The following CUBN variants were observed in gnomAD, a reference collection of about 807,000 sequenced individuals.
CUBN encodes the protein cubilin.
A neutral mutation model predicts 405.3 loss-of-function variants in CUBN; 282 were observed. The ratio of observed to expected loss-of-function variants is 0.70; its 90% CI spans 0.63 to 0.77. The LOEUF (loss-of-function observed/expected upper bound fraction) is 0.77. CUBN is among the 30% of genes least tolerant of loss of function. The probability of loss-of-function intolerance (pLI) is 0.00; values close to 1 mark genes in which losing one functional copy is unlikely to be tolerated. For missense variants in CUBN, 4,514 were observed against 4,475.2 expected (o/e 1.01, Z -0.25); for synonymous variants, 1,684 against 1,617.0 (o/e 1.04, Z -0.99).
intron 17 of CUBN, among the ~76,000 whole-genome samples, chr10:17,081,031 G>A (rs1835953954): frequency 6.8e-6 from 1 of 146,046 alleles, no homozygotes; most frequent in Non-Finnish European, 1.5e-5. Context: ...GAATTAACAT[G>A]TTAATGTGTG....
At chr10:17,048,251 G>A (rs1835184145) in intron 22 of CUBN, among the ~76,000 whole-genome samples, 1 of 152,234 alleles carries the variant, frequency 6.6e-6, no homozygotes, top group Non-Finnish European at 1.5e-5. Context: ...TCAGTAAATG[G>A]TGGTCATTTA....
chr10:17,129,610 T>C (rs1455896337), intron 1 of CUBN, 34 bp downstream of exon 1: 1 of 1,614,034 alleles, frequency 6.2e-7, no homozygotes, highest in Admixed American at 1.7e-5. Context: ...ATTAGCCTAG[T>C]CCCTGAGCAG....
chr10:16,826,013 CTTTTA>C (rs1372507159), intron 66 of CUBN, among the ~76,000 whole-genome samples: 1 of 152,004 alleles, frequency 6.6e-6, no homozygotes, highest in Non-Finnish European at 1.5e-5. Flanking sequence ...TCAATAACTT[CTTTTA>C]TTTTGACAAA....
chr10:17,011,168 A>G (rs1197458969), intron 28 of CUBN, among the ~76,000 whole-genome samples: 1 of 152,230 alleles, frequency 6.6e-6, no homozygotes. Flanking sequence ...TTCCAGGGCT[A>G]GATCACTCTA....
intron 28 of CUBN, among the ~76,000 whole-genome samples, chr10:17,013,906 T>C (rs578183100): frequency 6.6e-6 from 1 of 152,344 alleles, no homozygotes; most frequent in Non-Finnish European, 1.5e-5. Context: ...AGGGGACTTG[T>C]AAAAGATCAT....
chr10:16,950,073 C>G lies in CUBN; in HGVS notation c.5008G>C (p.Glu1670Gln). The change falls in exon 34 of 67, where the codon GAA becomes CAA. Residue 1670 changes from glutamate (E) to glutamine (Q), a missense_variant. Physicochemically the swap from Glu to Gln is conservative, Grantham distance 29. Around this residue, in one of 5 missense-constraint regions of CUBN, gnomAD observed 1,613 missense variants for 1,542.8 expected, o/e 1.05. Transcript: ENST00000377833. ...TCACGTGCACACGTTGTGCTTCTTTCAAGTTCAAAGTGGGTAAAAGAGAGG... is the reference window on the plus strand; with the variant it reads ...TCACGTGCACACGTTGTGCTTCTTTGAAGTTCAAAGTGGGTAAAAGAGAGG... ...ITLSFTHFEL[E>Q]RSTTCARDFV... The G allele has an allele frequency of 6.2e-7, 1 of 1,613,870 alleles. No individual in the cohort carries two copies. The highest frequency in any genetic ancestry group is 8.5e-7 in the Non-Finnish European group (1 of 1,179,938).
rs552772033 is a variant in CUBN at position 17,052,879 on chromosome 10, C to T, written c.3140-5276G>A. Among the ~76,000 whole-genome samples the T allele has an allele frequency of 4.1e-5, 6 of 144,760 alleles. No individual in the cohort carries two copies. The East Asian group carries it at 1.2e-3, about 30-fold the overall frequency. The allele number at this position is 144,760 out of a possible 152,430, so 95.0% of individuals were successfully genotyped here. ...AGAGAAGTAAAAGATATAACTAAAA[C>T]AGCACACAGAAGGATAGGCACATGG... On this transcript the variant is annotated intron_variant, in intron 22 of 66. Transcript: ENST00000377833.
intron 62 of CUBN, among the ~76,000 whole-genome samples, chr10:16,839,823 C>A (rs1488332874): frequency 1.3e-5 from 2 of 151,862 alleles, no homozygotes; most frequent in Admixed American, 1.3e-4. Flanking sequence ...TCCCAAATGT[C>A]CAACAATGAT....
At position 16,954,406 on chromosome 10, in the gene CUBN, C is replaced by A. The variant is rs147343635; in HGVS notation, c.4838G>T (p.Arg1613Leu). ...GTACTTGCCTTGCCTGAATTGAGCT[C>A]GGAAGCCTCTGTTCTGTCTGGAAGG... is the stretch of plus-strand genomic sequence containing the variant. ...SGPSRQNRGF[R>L]AQFRQACGGH... Residue 1613 changes from arginine (R) to leucine (L), a missense_variant, in exon 32 of 67, where the codon CGA (arginine) becomes CTA (leucine). Coordinates refer to ENST00000377833, the MANE Select transcript of CUBN (RefSeq NM_001081.4). The A allele has an allele frequency of 4.2e-5, 67 of 1,614,104 alleles. No homozygotes were observed. The African/African-American group carries it at 6.8e-4, about 16-fold the overall frequency.
At chr10:17,059,843 C>T (rs181519042) in intron 22 of CUBN, among the ~76,000 whole-genome samples, 2 of 152,276 alleles carry the variant, frequency 1.3e-5, no homozygotes, top group South Asian at 2.1e-4. Context: ...GTAAAATTGT[C>T]CTTGGATATT....
Position 17,043,960 on chromosome 10 carries a change from G to A in CUBN, c.3696C>T (p.Asn1232=). ...YLAVYDGPSS[N]SHLLTQLCGD... is the part of the protein sequence containing the mutation. ...CACAAAGCTGAGTTAGCAGATGAGA[G>A]TTGCTACTTGGGCCATCATATACCT... Residue 1232 remains asparagine (N), a synonymous_variant, in exon 26 of 67, where the codon AAC becomes AAT. Transcript: ENST00000377833. 1 of 1,613,312 alleles carries A rather than the reference G, an allele frequency of 6.2e-7. No individual in the cohort carries two copies. The highest frequency in any genetic ancestry group is 8.5e-7 in the Non-Finnish European group (1 of 1,179,552).
At chr10:17,018,474 G>A (rs12248441) in intron 28 of CUBN, among the ~76,000 whole-genome samples, 11 of 152,072 alleles carry the variant, frequency 7.2e-5, no homozygotes, top group Non-Finnish European at 1.5e-4. Context: ...TCATGGTCTC[G>A]CTGACTTCAG....
rs187495369 is a variant in CUBN at position 17,003,968 on chromosome 10, G to C, written c.4169-13453C>G. On this transcript the variant is annotated intron_variant, in intron 28 of 66. Coordinates refer to ENST00000377833, the MANE Select transcript of CUBN (RefSeq NM_001081.4). ...TCCTTACTACGTTAAGTTCACACTA[G>C]TCTAGCTGGCTTTGAGAATTCTAAA... Among the ~76,000 whole-genome samples the C allele has an allele frequency of 6.3e-3, 955 of 152,280 alleles. 7 individuals carry two copies. Among genetic ancestry groups the C allele is most frequent in the African/African-American group, 0.021 (877 of 41,548 alleles).
At chr10:17,116,031 A>G (rs1442107780) in intron 6 of CUBN, among the ~76,000 whole-genome samples, 3 of 152,192 alleles carry the variant, frequency 2.0e-5, no homozygotes, top group Non-Finnish European at 1.5e-5. Flanking sequence ...GCTCTCTAGG[A>G]TTATATAACC....
intron 17 of CUBN, among the ~76,000 whole-genome samples, chr10:17,080,270 T>C (rs1835938243): frequency 1.3e-5 from 2 of 152,230 alleles, no homozygotes. Flanking sequence ...TGGGTTATGT[T>C]ATATTGTGAA....
chr10:16,922,538 A>G lies in CUBN; in HGVS notation c.6647-2401T>C, dbSNP rs543204129. Among the ~76,000 whole-genome samples the G allele has an allele frequency of 2.6e-5, 4 of 152,116 alleles. No individual in the cohort carries two copies. The South Asian group carries it at 8.3e-4, about 32-fold the overall frequency. Reference sequence around the variant, plus strand: ...GCAAAAACTTCCAATGCCTCCCATAACCTTTTGATTAACATCTTAACTAAC... The same window carrying G: ...GCAAAAACTTCCAATGCCTCCCATAGCCTTTTGATTAACATCTTAACTAAC... On this transcript the variant is annotated intron_variant, in intron 43 of 66. Transcript: ENST00000377833.
chr10:17,033,873 T>G (rs1343130296), intron 27 of CUBN, among the ~76,000 whole-genome samples: 1 of 152,218 alleles, frequency 6.6e-6, no homozygotes, highest in Non-Finnish European at 1.5e-5. Context: ...AGCCCGATGT[T>G]TCTCAGTCGT....
intron 28 of CUBN, among the ~76,000 whole-genome samples, chr10:17,015,979 A>T (rs1834316981): frequency 6.6e-6 from 1 of 152,038 alleles, no homozygotes; most frequent in Non-Finnish European, 1.5e-5. Flanking sequence ...CTTGATCCCT[A>T]TTATAGAACA....
At chr10:16,934,727 T>C (rs1291964911) in intron 39 of CUBN, among the ~76,000 whole-genome samples, 2 of 152,180 alleles carry the variant, frequency 1.3e-5, no homozygotes, top group Admixed American at 1.3e-4. Context: ...GCAAAAGGCA[T>C]GTGTTACTTT....
Sources: allele counts gnomAD v4.1 joint callset (sites outside exome capture counted in the v4.1 genomes callset), GRCh38; gene constraint gnomAD v4.1.1; regional missense constraint gnomAD v4.1.1; transcripts MANE v1.5; gene names NCBI Gene and HGNC (gene_info 2026-07-23, HGNC 2026-07-21).